The following VTI1A variants were observed in gnomAD, a reference collection of about 807,000 sequenced individuals.
VTI1A encodes vesicle transport through interaction with t-SNAREs 1A.
VTI1A carries 22 observed loss-of-function variants against 34.9 expected under a neutral mutation model. The observed-to-expected ratio is 0.63, with a 90% CI of 0.45 to 0.90. VTI1A has a LOEUF of 0.90. VTI1A is among the 40% of genes least tolerant of loss of function. The pLI is 0.00. For synonymous variants in VTI1A, 87 were observed against 97.3 expected (o/e 0.89, Z 0.62); for missense variants, 268 against 275.6 (o/e 0.97, Z 0.20).
At chr10:112,836,920 G>T in the VTI1A span, among the ~76,000 whole-genome samples, 1 of 152,120 alleles carries the variant, frequency 6.6e-6, no homozygotes, top group Non-Finnish European at 1.5e-5. Context: ...GTTAAACATT[G>T]TTCAAAGGAA....
chr10:112,569,367 T>C (rs1268284923), intron 5 of VTI1A, among the ~76,000 whole-genome samples: 1 of 152,066 alleles, frequency 6.6e-6, no homozygotes, highest in African/African-American at 2.4e-5. Context: ...TCCAGAGAGG[T>C]TAAGGAATCA....
intron 5 of VTI1A, among the ~76,000 whole-genome samples, chr10:112,585,635 C>T (rs959991726): frequency 1.4e-5 from 2 of 144,104 alleles, no homozygotes; most frequent in Non-Finnish European, 3.0e-5. Context: ...TCAAGTGGTA[C>T]AGAGAAACAA....
intron 7 of VTI1A, among the ~76,000 whole-genome samples, chr10:112,730,601 C>T (rs1850216442): frequency 6.6e-6 from 1 of 151,896 alleles, no homozygotes; most frequent in Admixed American, 6.5e-5. Context: ...TTCCCCCTTT[C>T]CTTCCTGTTC....
chr10:112,509,170 T>C (rs1035193708), intron 3 of VTI1A, among the ~76,000 whole-genome samples: 1 of 152,204 alleles, frequency 6.6e-6, no homozygotes, highest in Non-Finnish European at 1.5e-5. Flanking sequence ...AGAGTAGTTG[T>C]TTTTAATTCC....
chr10:112,830,938 C>T, the VTI1A span, among the ~76,000 whole-genome samples: 3 of 148,298 alleles, frequency 2.0e-5, no homozygotes, highest in East Asian at 4.0e-4. Context: ...CAGCTTTGAC[C>T]CCCCAGGCTC....
chr10:112,660,294 T>A (rs1847399929), intron 5 of VTI1A, among the ~76,000 whole-genome samples: 1 of 152,134 alleles, frequency 6.6e-6, no homozygotes, highest in Non-Finnish European at 1.5e-5. Context: ...AGAGAGGGGT[T>A]TCACCCTGTT....
rs1033666823 is a variant in VTI1A, at chr10:112,715,535, C to T, written c.560+46537C>T. Among the ~76,000 whole-genome samples, 16 of 152,124 alleles carry T rather than the reference C, an allele frequency of 1.1e-4. 1 individual carries two copies. The East Asian group carries it at 2.7e-3, about 26-fold the overall frequency. On this transcript the variant is annotated intron_variant, in intron 7 of 7. Transcript: ENST00000393077. ...CTGGATGAACTGGGAGGACAGTAAA[C>T]GGTGGAGGTGGAAACCTTCTTGTTC...
rs1853562895 is a variant in VTI1A, at chr10:112,817,630, C to G, written c.*2247C>G. 1.3e-5 allele frequency: 3 copies of G among 228,930 alleles called. No homozygotes were observed. The highest frequency in any genetic ancestry group is 2.6e-5 in the Non-Finnish European group (3 of 115,382). The allele number at this position is 228,930 out of a possible 1,614,324, so 14.2% of individuals were successfully genotyped here. Reference sequence around the variant, plus strand: ...AGCTGGTCAGAAGGTTCCCTCAACTCCTTCCTGGTCCTCCTGGACACTGCA... The same window carrying G: ...AGCTGGTCAGAAGGTTCCCTCAACTGCTTCCTGGTCCTCCTGGACACTGCA... On this transcript the variant is annotated 3_prime_UTR_variant, in exon 8 of 8. Transcript: ENST00000393077.
In VTI1A at chr10:112,551,168, C is replaced by T. The variant is rs529407637; in HGVS notation, c.427+12838C>T. 4.8e-4 allele frequency among the ~76,000 whole-genome samples: 70 copies of T among 145,934 alleles called. 1 individual carries two copies. The highest frequency in any genetic ancestry group is 1.7e-3 in the African/African-American group (67 of 39,170). On this transcript the variant is annotated intron_variant, in intron 5 of 7. Coordinates refer to ENST00000393077, the MANE Select transcript of VTI1A (RefSeq NM_145206.4). ...CTGAGGCAGGAGAATGGTGTGAACC[C>T]GGCGAGCGGAGCTTGCCGTGAGCAG...
intron 7 of VTI1A, among the ~76,000 whole-genome samples, chr10:112,678,381 T>G (rs1848101157): frequency 6.6e-6 from 1 of 152,142 alleles, no homozygotes; most frequent in Admixed American, 6.5e-5. Flanking sequence ...AATGGAGCCC[T>G]TAGCCCCCCT....
chr10:112,480,121 C>G (rs1340171261), intron 3 of VTI1A, among the ~76,000 whole-genome samples: 2 of 152,126 alleles, frequency 1.3e-5, no homozygotes, highest in Non-Finnish European at 2.9e-5. Context: ...AGAGTATACA[C>G]ACACATAGAA....
At chr10:112,559,934 T>C (rs1275285929) in intron 5 of VTI1A, among the ~76,000 whole-genome samples, 3 of 152,070 alleles carry the variant, frequency 2.0e-5, no homozygotes, top group Non-Finnish European at 4.4e-5. Flanking sequence ...CCAGCCAGAG[T>C]GGCCACACAC....
At chr10:112,502,173 G>A (rs1849267357) in intron 3 of VTI1A, among the ~76,000 whole-genome samples, 4 of 151,640 alleles carry the variant, frequency 2.6e-5, no homozygotes, top group Non-Finnish European at 5.9e-5. Context: ...GACCACAGGT[G>A]CATGCCACCA....
intron 7 of VTI1A, among the ~76,000 whole-genome samples, chr10:112,702,515 G>A (rs1327368910): frequency 6.6e-6 from 1 of 151,694 alleles, no homozygotes; most frequent in East Asian, 1.9e-4. Context: ...CACCTCCCAA[G>A]TTCAAGTGAT....
At chr10:112,587,288 A>AT (rs1360775417) in intron 5 of VTI1A, among the ~76,000 whole-genome samples, 2 of 152,172 alleles carry the variant, frequency 1.3e-5, no homozygotes, top group African/African-American at 4.8e-5. Flanking sequence ...AATACTTGCC[A>AT]TGTACCTACT....
At chr10:112,753,804 A>G (rs1479936861) in intron 7 of VTI1A, among the ~76,000 whole-genome samples, 1 of 152,202 alleles carries the variant, frequency 6.6e-6, no homozygotes, top group Non-Finnish European at 1.5e-5. Flanking sequence ...GAAAGCCTCA[A>G]TTTCAGCTTA....
intron 4 of VTI1A, among the ~76,000 whole-genome samples, chr10:112,532,931 G>C (rs1850497992): frequency 6.6e-6 from 1 of 152,054 alleles, no homozygotes; most frequent in Non-Finnish European, 1.5e-5. Context: ...ATCTAAATAA[G>C]TATTATCTCT....
At chr10:112,670,945 A>T (rs1847824008) in intron 7 of VTI1A, among the ~76,000 whole-genome samples, 1 of 152,222 alleles carries the variant, frequency 6.6e-6, no homozygotes, top group Non-Finnish European at 1.5e-5. Context: ...ATCAGCCAGG[A>T]TATTCAGATA....
At chr10:112,708,943 A>G (rs559964972) in intron 7 of VTI1A, among the ~76,000 whole-genome samples, 111 of 152,228 alleles carry the variant, frequency 7.3e-4, no homozygotes, top group Non-Finnish European at 1.2e-3. Flanking sequence ...CTGGGTGGAA[A>G]CCCATAGCTG....
Sources: allele counts gnomAD v4.1 joint callset (sites outside exome capture counted in the v4.1 genomes callset), GRCh38; gene constraint gnomAD v4.1.1; transcripts MANE v1.5; gene names NCBI Gene and HGNC (gene_info 2026-07-23, HGNC 2026-07-21).